ADGRE3: variants seen among roughly 807,000 people sequenced by gnomAD.
ADGRE3 encodes the protein adhesion G protein-coupled receptor E3, also known as EGF-like module receptor 3.
A neutral mutation model predicts 80.1 loss-of-function variants in ADGRE3; 88 were observed. That is an observed-to-expected ratio of 1.10 (90% CI 0.93 to 1.31). The LOEUF is 1.31. Among genes scored for constraint, ADGRE3 ranks in the 40% most tolerant of loss-of-function variants. The probability of loss-of-function intolerance (pLI) is 0.00; values close to 1 mark genes in which losing one functional copy is unlikely to be tolerated. For missense variants in ADGRE3, 715 were observed against 776.5 expected (o/e 0.92, Z 0.94); for synonymous variants, 281 against 294.8 (o/e 0.95, Z 0.48).
intron 5 of ADGRE3, among the ~76,000 whole-genome samples, chr19:14,657,918 C>T (rs1356424521): frequency 6.6e-6 from 1 of 151,996 alleles, no homozygotes; most frequent in African/African-American, 2.4e-5. Context: ...CATGTGCCAT[C>T]ATACCTGGCT....
intron 2 of ADGRE3, among the ~76,000 whole-genome samples, chr19:14,666,422 G>A (rs1972109661): frequency 6.6e-6 from 1 of 150,992 alleles, no homozygotes; most frequent in Non-Finnish European, 1.5e-5. Context: ...TGTCGCCCAG[G>A]CTGGAGTGCA....
At chr19:14,661,685 G>A (rs1225313096) in intron 4 of ADGRE3, among the ~76,000 whole-genome samples, 2 of 152,164 alleles carry the variant, frequency 1.3e-5, no homozygotes, top group African/African-American at 4.8e-5. Flanking sequence ...TAAAAAATGA[G>A]GAAGGACTGC....
At chr19:14,665,247 A>G (rs868365239) in intron 2 of ADGRE3, among the ~76,000 whole-genome samples, 3 of 151,432 alleles carry the variant, frequency 2.0e-5, no homozygotes, top group Non-Finnish European at 4.4e-5. Flanking sequence ...TATTTTTAGT[A>G]GAGGCGGGGG....
At chr19:14,606,903 C>T in the ADGRE3 span, 5 of 535,126 alleles carry the variant, frequency 9.3e-6, no homozygotes, top group Non-Finnish European at 1.4e-5. Flanking sequence ...CGTTCCCAAG[C>T]CCTAAATATG....
At chr19:14,633,597 C>T (rs1334108112) in intron 11 of ADGRE3, among the ~76,000 whole-genome samples, 3 of 151,438 alleles carry the variant, frequency 2.0e-5, no homozygotes, top group East Asian at 2.0e-4. Context: ...TCCAGCTATT[C>T]GGGAGGCTGA....
intron 8 of ADGRE3, among the ~76,000 whole-genome samples, 172 bp downstream of exon 8, chr19:14,647,009 G>T (rs1213042919): frequency 6.6e-6 from 1 of 152,116 alleles, no homozygotes; most frequent in African/African-American, 2.4e-5. Flanking sequence ...TGGAAATACT[G>T]TCTTCAAAAT....
the ADGRE3 span, among the ~76,000 whole-genome samples, chr19:14,612,671 A>T: frequency 6.6e-6 from 1 of 152,092 alleles, no homozygotes; most frequent in Non-Finnish European, 1.5e-5. Context: ...CTCCAAATAC[A>T]GCCATATTAG....
At chr19:14,625,420 A>G in intron 15 of ADGRE3, 72 bp downstream of exon 15, 2 of 1,023,368 alleles carry the variant, frequency 2.0e-6, no homozygotes, top group East Asian at 2.4e-5. Flanking sequence ...AAAAAATCCC[A>G]AACTAGAGGA....
At chr19:14,613,506 C>A in the ADGRE3 span, among the ~76,000 whole-genome samples, 1 of 151,652 alleles carries the variant, frequency 6.6e-6, no homozygotes, top group African/African-American at 2.4e-5. Flanking sequence ...ACAAGGATTG[C>A]GATCAATTTA....
At chr19:14,628,364 C>T (rs1970788533) in intron 14 of ADGRE3, among the ~76,000 whole-genome samples, 1 of 111,740 alleles carries the variant, frequency 8.9e-6, no homozygotes, top group African/African-American at 3.3e-5. Context: ...ATCGCTTGAA[C>T]CTGGGAGGCA....
At chr19:14,662,708 G>C (rs2146896282) in intron 3 of ADGRE3, among the ~76,000 whole-genome samples, 1 of 152,002 alleles carries the variant, frequency 6.6e-6, no homozygotes, top group Non-Finnish European at 1.5e-5. Context: ...TATCTTAAAT[G>C]AACGGCCAAG....
rs371399744 is a variant in ADGRE3, at chr19:14,646,822, G to A, written c.882+359C>T. The stretch of plus-strand genomic sequence containing the variant: ...GTCTTGCTCTGTGCCCCAGGCTGGA[G>A]TGCAGTGGTGCAATCATAGCTCACT... On this transcript the variant is annotated intron_variant, in intron 8 of 15. Transcript: ENST00000253673. Among the ~76,000 whole-genome samples the A allele has an allele frequency of 2.1e-4, 32 of 151,488 alleles. 2 individuals are homozygous for A. Among genetic ancestry groups the A allele is most frequent in the African/African-American group, 7.5e-4 (31 of 41,252 alleles).
At chr19:14,611,211 A>G in the ADGRE3 span, 12 of 152,022 alleles carry the variant, frequency 7.9e-5, no homozygotes, top group Admixed American at 5.3e-4. Context: ...CGTCCTCTCC[A>G]GACACTGCTT....
the ADGRE3 span, among the ~76,000 whole-genome samples, chr19:14,601,833 C>T: frequency 1.3e-5 from 2 of 152,090 alleles, no homozygotes; most frequent in South Asian, 2.1e-4. Context: ...CGCTCTGTCA[C>T]CCAGGCTGGA....
chr19:14,616,017 C>T (rs566375375), downstream of ADGRE3, among the ~76,000 whole-genome samples: 4 of 150,732 alleles, frequency 2.7e-5, no homozygotes, highest in South Asian at 2.1e-4. Flanking sequence ...CTGTAACCTC[C>T]GCCTCCCAGG....
At chr19:14,652,786 A>G (rs1418266054) in intron 6 of ADGRE3, among the ~76,000 whole-genome samples, 97 of 131,998 alleles carry the variant, frequency 7.3e-4, no homozygotes, top group African/African-American at 2.9e-3. Context: ...CAAAAAAAAA[A>G]AAAGAAAAAA....
intron 5 of ADGRE3, among the ~76,000 whole-genome samples, chr19:14,657,554 C>A (rs7508319): frequency 1.3e-5 from 2 of 149,438 alleles, no homozygotes; most frequent in African/African-American, 2.5e-5. Flanking sequence ...ATACCTATAT[C>A]TATATATATA....
intron 6 of ADGRE3, among the ~76,000 whole-genome samples, chr19:14,653,143 T>C (rs1041699332): frequency 6.6e-6 from 1 of 151,060 alleles, no homozygotes; most frequent in African/African-American, 2.5e-5. Context: ...CCACCACGCC[T>C]GGCTAATTTT....
chr19:14,600,880 C>G, the ADGRE3 span, among the ~76,000 whole-genome samples: 1 of 142,530 alleles, frequency 7.0e-6, no homozygotes, highest in Non-Finnish European at 1.5e-5. Context: ...TGAGCCACCA[C>G]GCTCGGCCTT....
Sources: allele counts gnomAD v4.1 joint callset (sites outside exome capture counted in the v4.1 genomes callset), GRCh38; gene constraint gnomAD v4.1.1; transcripts MANE v1.5; gene names NCBI Gene and HGNC (gene_info 2026-07-23, HGNC 2026-07-21).